Variants in CCSER1 observed in about 807,000 individuals in gnomAD.
The protein encoded by CCSER1 is serine-rich coiled-coil domain-containing protein 1.
CCSER1 carries 41 observed loss-of-function variants against 82.0 expected under a neutral mutation model. The observed-to-expected ratio is 0.50, with a 90% CI of 0.39 to 0.65. The LOEUF is 0.65. Ranked by LOEUF, CCSER1 falls within the 30% of genes least tolerant of loss-of-function variation. CCSER1 has a pLI of 0.00. For synonymous variants in CCSER1, 414 were observed against 383.9 expected (o/e 1.08, Z -0.92); for missense variants, 1,119 against 1,064.2 (o/e 1.05, Z -0.72).
At chr4:91,379,352 T>C (rs912648921) in intron 10 of CCSER1, among the ~76,000 whole-genome samples, 2 of 152,322 alleles carry the variant, frequency 1.3e-5, no homozygotes, top group African/African-American at 4.8e-5. Flanking sequence ...GTACCTCTGG[T>C]AGAATTCGGC....
chr4:90,489,158 T>C (rs1767573334), intron 5 of CCSER1, among the ~76,000 whole-genome samples: 1 of 152,160 alleles, frequency 6.6e-6, no homozygotes, highest in Admixed American at 6.5e-5. Context: ...TTTATTTCTT[T>C]CAAGAAGCAT....
At chr4:90,319,961 G>A (rs1579159920) in intron 3 of CCSER1, among the ~76,000 whole-genome samples, 1 of 152,140 alleles carries the variant, frequency 6.6e-6, no homozygotes, top group Non-Finnish European at 1.5e-5. Flanking sequence ...AATTACATTT[G>A]TTGATAACTG....
chr4:91,288,694 A>C lies in CCSER1; in HGVS notation c.2217+202700A>C, dbSNP rs1369244162. Among the ~76,000 whole-genome samples the C allele has an allele frequency of 3.3e-5, 5 of 152,086 alleles. No homozygotes were observed. In the East Asian group the frequency reaches 7.7e-4, roughly 23 times the overall value. On this transcript the variant is annotated intron_variant, in intron 10 of 10. Coordinates refer to ENST00000509176, the MANE Select transcript of CCSER1 (RefSeq NM_001145065.2). ...TTATCCATTCAAAACAAAAGCCTAA[A>C]ATGCAGGGGAAAGAGCAACAACACA...
intron 10 of CCSER1, among the ~76,000 whole-genome samples, chr4:91,372,950 C>T (rs910391063): frequency 1.3e-5 from 2 of 151,552 alleles, no homozygotes; most frequent in African/African-American, 4.8e-5. Flanking sequence ...CTTAATGAAG[C>T]AGCCTACATC....
intron 5 of CCSER1, among the ~76,000 whole-genome samples, chr4:90,510,255 C>T (rs867904942): frequency 2.6e-5 from 4 of 152,222 alleles, no homozygotes; most frequent in African/African-American, 4.8e-5. Flanking sequence ...TTAACCTTCG[C>T]TGAAATGAGA....
intron 1 of CCSER1, among the ~76,000 whole-genome samples, chr4:90,271,646 CACA>C (rs1418049727): frequency 6.6e-6 from 1 of 151,188 alleles, no homozygotes; most frequent in Non-Finnish European, 1.5e-5. Flanking sequence ...CGAATGAGAT[CACA>C]ACAAGTTAAA....
chr4:91,212,856 C>T (rs1472212796), intron 10 of CCSER1, among the ~76,000 whole-genome samples: 1 of 151,868 alleles, frequency 6.6e-6, no homozygotes, highest in African/African-American at 2.4e-5. Context: ...AGCATAGTAC[C>T]CAATAGGTAG....
chr4:90,877,472 G>A (rs964399254), intron 8 of CCSER1, among the ~76,000 whole-genome samples: 11 of 152,066 alleles, frequency 7.2e-5, no homozygotes, highest in Non-Finnish European at 2.9e-5. Context: ...TGTAGTATTG[G>A]TTGTCTTCCC....
intron 9 of CCSER1, among the ~76,000 whole-genome samples, chr4:90,959,740 C>CTT (rs57697228): frequency 0.52 from 73,137 of 140,732 alleles, 20,099 homozygotes; most frequent in Non-Finnish European, 0.64. Flanking sequence ...CTCGGGTTTT[C>CTT]TTTTTTTTTT....
intron 6 of CCSER1, among the ~76,000 whole-genome samples, chr4:90,714,856 A>G (rs2149341086): frequency 6.6e-6 from 1 of 152,182 alleles, no homozygotes; most frequent in Middle Eastern, 3.4e-3. Flanking sequence ...TTATCTTCTC[A>G]ATTACACTGC....
At chr4:90,665,410 C>T (rs1465052834) in intron 6 of CCSER1, among the ~76,000 whole-genome samples, 1 of 151,798 alleles carries the variant, frequency 6.6e-6, no homozygotes, top group Non-Finnish European at 1.5e-5. Flanking sequence ...CAGGCTCCGC[C>T]CCCAGAGTTC....
intron 5 of CCSER1, among the ~76,000 whole-genome samples, chr4:90,589,713 C>T (rs1418484610): frequency 6.6e-6 from 1 of 151,982 alleles, no homozygotes; most frequent in African/African-American, 2.4e-5. Context: ...TAATGACTAC[C>T]TGCAAGGAGA....
chr4:91,236,953 C>A (rs1021287556), intron 10 of CCSER1, among the ~76,000 whole-genome samples: 7 of 152,016 alleles, frequency 4.6e-5, no homozygotes, highest in Non-Finnish European at 1.0e-4. Flanking sequence ...CATATTAGGC[C>A]CAATTTTGTA....
intron 10 of CCSER1, among the ~76,000 whole-genome samples, chr4:91,355,590 A>T (rs1748769233): frequency 6.6e-6 from 1 of 152,180 alleles, no homozygotes; most frequent in Non-Finnish European, 1.5e-5. Flanking sequence ...TACTGGGAAC[A>T]GTTCTCAGTC....
chr4:90,769,443 A>G (rs1751751615), intron 7 of CCSER1, among the ~76,000 whole-genome samples: 1 of 152,192 alleles, frequency 6.6e-6, no homozygotes, highest in South Asian at 2.1e-4. Flanking sequence ...ACCAGACCCC[A>G]GCAGTTAAAG....
At chr4:91,025,112 G>C (rs1740374116) in intron 9 of CCSER1, among the ~76,000 whole-genome samples, 1 of 152,094 alleles carries the variant, frequency 6.6e-6, no homozygotes. Context: ...GCCTTTGTAG[G>C]AGCATGTGCA....
intron 3 of CCSER1, among the ~76,000 whole-genome samples, chr4:90,391,045 C>A (rs1043065633): frequency 6.7e-6 from 1 of 149,758 alleles, no homozygotes; most frequent in African/African-American, 2.5e-5. Flanking sequence ...GGACAGATCA[C>A]CTGAGGTCAG....
chr4:90,523,894 A>C (rs2153626617), intron 5 of CCSER1, among the ~76,000 whole-genome samples: 1 of 152,316 alleles, frequency 6.6e-6, no homozygotes, highest in South Asian at 2.1e-4. Context: ...TGTATATAGT[A>C]TTAAGCTAAA....
intron 10 of CCSER1, among the ~76,000 whole-genome samples, chr4:91,455,479 A>C (rs953038725): frequency 7.2e-5 from 11 of 152,072 alleles, no homozygotes; most frequent in Non-Finnish European, 1.6e-4. Flanking sequence ...TTCTTCTGAC[A>C]TGTGAGAATG....
Sources: allele counts gnomAD v4.1 joint callset (sites outside exome capture counted in the v4.1 genomes callset), GRCh38; gene constraint gnomAD v4.1.1; transcripts MANE v1.5; gene names NCBI Gene and HGNC (gene_info 2026-07-23, HGNC 2026-07-21).